Variants in CNTNAP2 observed in about 807,000 individuals in gnomAD.
CNTNAP2 encodes contactin associated protein 2.
A neutral mutation model predicts 155.2 loss-of-function variants in CNTNAP2; 98 were observed. That is an observed-to-expected ratio of 0.63 (90% CI 0.54 to 0.75). The LOEUF is 0.75. Ranked by LOEUF, CNTNAP2 falls within the 30% of genes least tolerant of loss-of-function variation. The probability of loss-of-function intolerance (pLI) is 0.00; values close to 1 mark genes in which losing one functional copy is unlikely to be tolerated. For synonymous variants in CNTNAP2, 651 were observed against 631.2 expected (o/e 1.03, Z -0.47); for missense variants, 1,727 against 1,688.1 (o/e 1.02, Z -0.40).
intron 4 of CNTNAP2, among the ~76,000 whole-genome samples, chr7:147,092,481 TTATAG>T (rs956998483): frequency 1.3e-5 from 2 of 152,212 alleles, no homozygotes; most frequent in South Asian, 2.1e-4. Flanking sequence ...TCTAAAATTC[TTATAG>T]TATAAGAAGT....
intron 8 of CNTNAP2, among the ~76,000 whole-genome samples, chr7:147,148,955 AAG>A (rs1488045163): frequency 1.3e-5 from 2 of 152,208 alleles, no homozygotes; most frequent in African/African-American, 4.8e-5. Context: ...CACAGACACA[AAG>A]AGTGAGCAGC....
intron 1 of CNTNAP2, among the ~76,000 whole-genome samples, chr7:146,261,712 C>T (rs1799921763): frequency 6.6e-6 from 1 of 152,038 alleles, no homozygotes; most frequent in South Asian, 2.1e-4. Context: ...TGTAGCTGAA[C>T]AGTTTTAGAA....
rs1056544095 is a variant in CNTNAP2, at chr7:146,696,101, G to GA, written c.98-78163dup. Among the ~76,000 whole-genome samples, 64 of 152,024 alleles carry GA rather than the reference G, an allele frequency of 4.2e-4. 1 individual carries two copies. The highest frequency in any genetic ancestry group is 1.5e-3 in the African/African-American group (63 of 41,394). On this transcript the variant is annotated intron_variant, in intron 1 of 23. Transcript: ENST00000361727. ...GTGTTTATATTTTCTGTAAAAGTTT[G>GA]AAAAAAATTGACTTAAATTCTTCCT...
At position 146,823,499 on chromosome 7, in the gene CNTNAP2, A is replaced by C. The variant is rs182171172; in HGVS notation, c.209-16212A>C. Among the ~76,000 whole-genome samples the C allele has an allele frequency of 3.2e-4, 42 of 132,122 alleles. 1 individual carries two copies. Among genetic ancestry groups the C allele is most frequent in the African/African-American group, 6.5e-4 (19 of 29,332 alleles). 86.7% of individuals were successfully genotyped at this position (132,122 alleles called of 152,430 possible). A position where few individuals can be genotyped will look rare whatever the true frequency, so the allele number is the denominator to read the frequency against. On this transcript the variant is annotated intron_variant, in intron 2 of 23. Coordinates refer to ENST00000361727, the MANE Select transcript of CNTNAP2 (RefSeq NM_014141.6). The stretch of plus-strand genomic sequence containing the variant: ...AATATACTCATTCTTCAGTATATTT[A>C]CATGGAAATATACTCATTCTTCAGT...
intron 8 of CNTNAP2, among the ~76,000 whole-genome samples, chr7:147,171,546 C>T (rs1177234650): frequency 6.6e-6 from 1 of 152,180 alleles, no homozygotes; most frequent in Non-Finnish European, 1.5e-5. Context: ...CCAAATGGTA[C>T]AGAGGTCAGT....
At chr7:148,066,776 G>C (rs542752920) in intron 15 of CNTNAP2, among the ~76,000 whole-genome samples, 1 of 152,088 alleles carries the variant, frequency 6.6e-6, no homozygotes, top group South Asian at 2.1e-4. Flanking sequence ...AGGATTACAG[G>C]CGTGAGCCAC....
At chr7:147,044,160 C>T in intron 4 of CNTNAP2, 106 bp downstream of exon 4, 1 of 1,252,288 alleles carries the variant, frequency 8.0e-7, no homozygotes, top group Non-Finnish European at 1.2e-6. Flanking sequence ...TGACAATAAA[C>T]TACCTTCTCA....
intron 21 of CNTNAP2, among the ~76,000 whole-genome samples, chr7:148,351,018 A>G (rs564302942): frequency 6.6e-6 from 1 of 152,388 alleles, no homozygotes; most frequent in South Asian, 2.1e-4. Context: ...GAGAGATACA[A>G]GCGAGCGAGA....
intron 21 of CNTNAP2, among the ~76,000 whole-genome samples, chr7:148,352,073 TAA>T (rs1798436830): frequency 6.6e-6 from 1 of 152,132 alleles, no homozygotes; most frequent in African/African-American, 2.4e-5. Context: ...TGGAATCAGA[TAA>T]GTGTGTGGTA....
At chr7:146,525,497 C>A (rs1797674980) in intron 1 of CNTNAP2, among the ~76,000 whole-genome samples, 1 of 151,926 alleles carries the variant, frequency 6.6e-6, no homozygotes, top group South Asian at 2.1e-4. Flanking sequence ...GTAAAAGAGT[C>A]AAAAATTATT....
chr7:148,086,411 A>G (rs1016640083), intron 15 of CNTNAP2, among the ~76,000 whole-genome samples: 2 of 152,236 alleles, frequency 1.3e-5, no homozygotes, highest in Non-Finnish European at 2.9e-5. Flanking sequence ...AAATTTTCCA[A>G]ACACTGAAAT....
chr7:147,985,351 A>G (rs1197985377), intron 15 of CNTNAP2, among the ~76,000 whole-genome samples: 3 of 149,520 alleles, frequency 2.0e-5, no homozygotes, highest in Non-Finnish European at 3.0e-5. Flanking sequence ...TGTTAAATCA[A>G]TATGTATGCC....
At chr7:147,495,895 C>G (rs532346981) in intron 11 of CNTNAP2, among the ~76,000 whole-genome samples, 11 of 152,270 alleles carry the variant, frequency 7.2e-5, no homozygotes, top group Admixed American at 6.5e-4. Context: ...ACAGCCACTC[C>G]CCATTGCTCA....
intron 13 of CNTNAP2, among the ~76,000 whole-genome samples, chr7:147,839,179 G>A (rs1011629218): frequency 6.6e-6 from 1 of 152,074 alleles, no homozygotes; most frequent in African/African-American, 2.4e-5. Context: ...GCTGGCAGGT[G>A]ATTAGATTGT....
At chr7:147,984,763 C>G (rs1222264365) in intron 15 of CNTNAP2, among the ~76,000 whole-genome samples, 1 of 152,062 alleles carries the variant, frequency 6.6e-6, no homozygotes, top group East Asian at 1.9e-4. Context: ...ATATATCATC[C>G]TGGAAAAACA....
chr7:146,648,011 A>G (rs1799844607), intron 1 of CNTNAP2, among the ~76,000 whole-genome samples: 1 of 151,996 alleles, frequency 6.6e-6, no homozygotes, highest in African/African-American at 2.4e-5. Context: ...TTCTTATCCC[A>G]TCAGACCCTG....
intron 1 of CNTNAP2, among the ~76,000 whole-genome samples, chr7:146,178,398 A>C (rs116640278): frequency 0.021 from 3,144 of 152,244 alleles, 96 homozygotes; most frequent in African/African-American, 0.066. Context: ...GTTTATTTGC[A>C]GCTACTGTAA....
chr7:147,083,182 G>C (rs1800174026), intron 4 of CNTNAP2: 1 of 152,094 alleles, frequency 6.6e-6, no homozygotes, highest in South Asian at 2.1e-4. Context: ...ATGAGGACTG[G>C]ATGGACACTG....
chr7:146,602,949 T>A lies in CNTNAP2; in HGVS notation c.98-171322T>A, dbSNP rs918915580. 1.3e-5 allele frequency among the ~76,000 whole-genome samples: 2 copies of A among 151,768 alleles called. 1 individual carries two copies. On this transcript the variant is annotated intron_variant, in intron 1 of 23. Transcript: ENST00000361727. ...CCGTTATTCCCAGATAACAGCATGA[T>A]TTTGCCATTGTCTTCAATTTCCAGA...
Sources: allele counts gnomAD v4.1 joint callset (sites outside exome capture counted in the v4.1 genomes callset), GRCh38; gene constraint gnomAD v4.1.1; transcripts MANE v1.5; gene names NCBI Gene and HGNC (gene_info 2026-07-23, HGNC 2026-07-21).